The following TMEM108 variants were observed in gnomAD, a reference collection of about 807,000 sequenced individuals.
TMEM108 encodes the protein transmembrane protein 108.
A neutral mutation model predicts 35.1 loss-of-function variants in TMEM108; 12 were observed. That is an observed-to-expected ratio of 0.34 (90% CI 0.22 to 0.55). The LOEUF (loss-of-function observed/expected upper bound fraction) is 0.55, where lower values mean the gene tolerates loss of function less well. Among genes scored for constraint, TMEM108 ranks in the 20% least tolerant of loss-of-function variants. The pLI is 0.89. For synonymous variants in TMEM108, 287 were observed against 308.6 expected, an observed-to-expected ratio of 0.93 and a Z score of 0.73; for missense variants, 680 against 753.3, an observed-to-expected ratio of 0.90 and a Z score of 1.14.
intron 2 of TMEM108, among the ~76,000 whole-genome samples, chr3:133,059,802 T>C (rs980709515): frequency 3.3e-5 from 5 of 152,162 alleles, no homozygotes; most frequent in African/African-American, 1.2e-4. Flanking sequence ...GTTTAATGCA[T>C]TTTTCCCCTG....
intron 4 of TMEM108, chr3:133,386,343 G>C (rs1049896868): frequency 6.7e-7 from 1 of 1,502,474 alleles, no homozygotes; most frequent in African/African-American, 1.4e-5. Flanking sequence ...ACAGGCCCGG[G>C]AAAGAGCAAT....
intron 3 of TMEM108, among the ~76,000 whole-genome samples, chr3:133,290,120 T>C (rs1358926666): frequency 7.3e-6 from 1 of 136,130 alleles, no homozygotes; most frequent in Non-Finnish European, 1.7e-5. Context: ...TGGTAAGTGC[T>C]AAGAAGAGGG....
intron 3 of TMEM108, among the ~76,000 whole-genome samples, chr3:133,253,616 T>C (rs1946502684): frequency 6.6e-6 from 1 of 152,226 alleles, no homozygotes; most frequent in Non-Finnish European, 1.5e-5. Context: ...ACTAAATTTA[T>C]CAAATTCTTT....
chr3:133,142,509 A>G lies in TMEM108; in HGVS notation c.-46-86757A>G, dbSNP rs576629148. Among the ~76,000 whole-genome samples, 4 of 152,266 alleles carry G rather than the reference A, an allele frequency of 2.6e-5. 1 individual carries two copies. The highest frequency in any genetic ancestry group is 9.6e-5 in the African/African-American group (4 of 41,542). Reference sequence around the variant, plus strand: ...CTCAGGGTGGATGTGTGTGCTGGGAAGTAGAGGCAGGAGGCTGCACCAGGC... The same window carrying G: ...CTCAGGGTGGATGTGTGTGCTGGGAGGTAGAGGCAGGAGGCTGCACCAGGC... On this transcript the variant is annotated intron_variant, in intron 2 of 5. Coordinates refer to ENST00000321871, the MANE Select transcript of TMEM108 (RefSeq NM_023943.4).
intron 4 of TMEM108, among the ~76,000 whole-genome samples, chr3:133,382,393 C>T (rs1216796621): frequency 1.3e-5 from 2 of 152,246 alleles, no homozygotes; most frequent in Non-Finnish European, 2.9e-5. Flanking sequence ...CTCTGAAAGG[C>T]AGCCTTCTCT....
At chr3:133,338,968 C>A (rs958012146) in intron 3 of TMEM108, among the ~76,000 whole-genome samples, 1 of 151,534 alleles carries the variant, frequency 6.6e-6, no homozygotes, top group African/African-American at 2.4e-5. Flanking sequence ...CACAAAAAAT[C>A]AAAAGCAAGA....
chr3:133,152,640 A>G (rs1329339007), intron 2 of TMEM108, among the ~76,000 whole-genome samples: 3 of 152,112 alleles, frequency 2.0e-5, no homozygotes, highest in Non-Finnish European at 4.4e-5. Context: ...TGGAGGAATG[A>G]GAATATAACT....
chr3:133,320,833 C>T (rs749265162), intron 3 of TMEM108, among the ~76,000 whole-genome samples: 5 of 152,098 alleles, frequency 3.3e-5, no homozygotes, highest in Non-Finnish European at 7.4e-5. Flanking sequence ...AGCAGAAACC[C>T]GACAAGCCAG....
At chr3:133,191,613 G>C (rs1945498834) in intron 2 of TMEM108, among the ~76,000 whole-genome samples, 1 of 152,136 alleles carries the variant, frequency 6.6e-6, no homozygotes, top group South Asian at 2.1e-4. Flanking sequence ...CAGTTTTGTG[G>C]TACAGGTAAA....
chr3:133,078,100 C>A (rs1484696954), intron 2 of TMEM108, among the ~76,000 whole-genome samples: 1 of 146,654 alleles, frequency 6.8e-6, no homozygotes, highest in African/African-American at 2.5e-5. Flanking sequence ...GCTGTCTCAC[C>A]TGCATGTTTT....
chr3:133,078,178 C>CAT (rs1559825421), intron 2 of TMEM108, among the ~76,000 whole-genome samples: 2 of 123,368 alleles, frequency 1.6e-5, no homozygotes, highest in Non-Finnish European at 3.4e-5. Context: ...CGCGCGCACA[C>CAT]GTGTGTGTGT....
chr3:133,163,401 A>G (rs1277474701), intron 2 of TMEM108, among the ~76,000 whole-genome samples: 1 of 152,206 alleles, frequency 6.6e-6, no homozygotes, highest in South Asian at 2.1e-4. Flanking sequence ...GTGTTGTCCA[A>G]CCAACTTATG....
intron 2 of TMEM108, among the ~76,000 whole-genome samples, chr3:133,118,490 A>G (rs1474949204): frequency 6.6e-6 from 1 of 152,086 alleles, no homozygotes; most frequent in Non-Finnish European, 1.5e-5. Flanking sequence ...TTTGCAAAAT[A>G]CTCTTCAGTT....
At chr3:133,203,744 G>A (rs1945707687) in intron 2 of TMEM108, among the ~76,000 whole-genome samples, 1 of 152,132 alleles carries the variant, frequency 6.6e-6, no homozygotes, top group Non-Finnish European at 1.5e-5. Context: ...AGGGATATTG[G>A]CCTGAAATGT....
intron 3 of TMEM108, among the ~76,000 whole-genome samples, chr3:133,298,889 C>T (rs1019079161): frequency 7.2e-5 from 11 of 152,134 alleles, no homozygotes; most frequent in African/African-American, 2.2e-4. Flanking sequence ...CAAAGACCAT[C>T]GGCTGCCTGT....
At position 133,379,994 on chromosome 3, in the gene TMEM108, C is replaced by A; in HGVS notation, c.283C>A (p.His95Asn). 1 of 1,614,036 alleles carries A rather than the reference C, an allele frequency of 6.2e-7. No individual in the cohort carries two copies. Among genetic ancestry groups the A allele is most frequent in the Non-Finnish European group, 8.5e-7 (1 of 1,179,984 alleles). The change falls in exon 4 of 6, where the codon CAC becomes AAC. Residue 95 changes from histidine (H) to asparagine (N), a missense_variant. His to Asn is a moderately conservative substitution (Grantham distance 68). This residue lies in a region of TMEM108 where 526 missense variants were observed against 532.1 expected (regional missense o/e 0.99). Transcript: ENST00000321871. ...TPRAEGHPPT[H>N]TISTIAATVT... ...CCGTGCAGAGGGGCACCCTCCTACG[C>A]ACACCATCTCCACCATCGCTGCGAC...
At chr3:133,355,451 G>T (rs2072134642) in intron 3 of TMEM108, among the ~76,000 whole-genome samples, 1 of 152,142 alleles carries the variant, frequency 6.6e-6, no homozygotes. Flanking sequence ...TGAGGCAAAT[G>T]CATCATTGGT....
intron 2 of TMEM108, among the ~76,000 whole-genome samples, chr3:133,083,562 T>C (rs552659247): frequency 1.3e-5 from 2 of 152,296 alleles, no homozygotes; most frequent in East Asian, 3.9e-4. Context: ...TTGAAAGAAG[T>C]GTATCTCATA....
chr3:133,045,327 G>A (rs1047010609), intron 1 of TMEM108, among the ~76,000 whole-genome samples: 1 of 152,134 alleles, frequency 6.6e-6, no homozygotes, highest in Non-Finnish European at 1.5e-5. Flanking sequence ...TGAGGAAACT[G>A]AGACTCAGAG....
Sources: gnomAD v4.1 joint callset for allele counts (sites outside exome capture counted in the v4.1 genomes callset) on GRCh38, gnomAD v4.1.1 for gene constraint, gnomAD v4.1.1 regional missense constraint, MANE v1.5 for transcripts, NCBI Gene and HGNC (gene_info 2026-07-23, HGNC 2026-07-21) for gene names.